Variants in TENM2 observed in about 807,000 individuals in gnomAD.
TENM2 encodes the protein teneurin-2.
TENM2 carries 52 observed loss-of-function variants against 245.2 expected under a neutral mutation model. The observed-to-expected ratio is 0.21, with a 90% CI of 0.17 to 0.27. The LOEUF is 0.27. TENM2 is among the 10% of genes least tolerant of loss of function. The pLI, the probability that TENM2 is intolerant of heterozygous loss-of-function variation, is 1.00. For synonymous variants in TENM2, 1,363 were observed against 1,438.9 expected, an observed-to-expected ratio of 0.95 and a Z score of 1.19; for missense variants, 3,046 against 3,666.8, an observed-to-expected ratio of 0.83 and a Z score of 4.37.
chr5:167,561,581 G>A (rs905774233), intron 2 of TENM2, among the ~76,000 whole-genome samples: 4 of 152,160 alleles, frequency 2.6e-5, no homozygotes, highest in African/African-American at 4.8e-5. Context: ...AAACGTCTAT[G>A]TTGTTTTTCC....
chr5:168,124,899 A>C, exon 11 of TENM2: 1 of 1,613,162 alleles, frequency 6.2e-7, no homozygotes. Flanking sequence ...GTGTGAATGG[A>C]GAATGCCTGT....
In TENM2 at chr5:167,848,642, A is replaced by G. The variant is rs79929796; in HGVS notation, c.503-27344A>G. ...AATGATTTCTCGGACAGTCATTGCTAAAAAGCTACTGCTCTAAGCACTTTT... is the reference window on the plus strand; with the variant it reads ...AATGATTTCTCGGACAGTCATTGCTGAAAAGCTACTGCTCTAAGCACTTTT... On this transcript the variant is annotated intron_variant, in intron 2 of 28. Coordinates refer to ENST00000518659, the Ensembl canonical transcript of TENM2. 8.0e-3 allele frequency among the ~76,000 whole-genome samples: 1,213 copies of G among 152,318 alleles called. 16 individuals are homozygous for G. Among genetic ancestry groups the G allele is most frequent in the African/African-American group, 0.027 (1,121 of 41,564 alleles).
chr5:167,915,760 CT>C (rs1776890409), intron 3 of TENM2, among the ~76,000 whole-genome samples: 1 of 152,154 alleles, frequency 6.6e-6, no homozygotes, highest in African/African-American at 2.4e-5. Context: ...ATCTGTATTT[CT>C]TTTTCCCTAG....
At chr5:167,063,385 A>G in the TENM2 span, among the ~76,000 whole-genome samples, 1 of 152,218 alleles carries the variant, frequency 6.6e-6, no homozygotes, top group Admixed American at 6.5e-5. Context: ...TGGTTTCAAA[A>G]GCATTAACGA....
chr5:167,704,167 G>A (rs1303466931), intron 2 of TENM2, among the ~76,000 whole-genome samples: 5 of 152,084 alleles, frequency 3.3e-5, no homozygotes, highest in African/African-American at 7.2e-5. Context: ...TTCCACCTTG[G>A]TATGGGATAT....
chr5:167,132,325 C>G, the TENM2 span, among the ~76,000 whole-genome samples: 1 of 152,142 alleles, frequency 6.6e-6, no homozygotes, highest in Non-Finnish European at 1.5e-5. Context: ...CTATTCTGAC[C>G]TCCATCACCA....
At chr5:167,330,305 T>C (rs909803456) in intron 1 of TENM2, among the ~76,000 whole-genome samples, 12 of 152,168 alleles carry the variant, frequency 7.9e-5, no homozygotes, top group Non-Finnish European at 1.5e-4. Context: ...AATATTCCTG[T>C]TTTACAGTTG....
intron 9 of TENM2, among the ~76,000 whole-genome samples, chr5:168,099,150 T>C (rs1793605451): frequency 6.6e-6 from 1 of 152,072 alleles, no homozygotes; most frequent in African/African-American, 2.4e-5. Flanking sequence ...CCTCAAGTCA[T>C]CCGCCCACCT....
At chr5:168,132,607 A>G (rs1479190697) in intron 12 of TENM2, among the ~76,000 whole-genome samples, 1 of 152,208 alleles carries the variant, frequency 6.6e-6, no homozygotes, top group South Asian at 2.1e-4. Context: ...GCTTGATATA[A>G]GGTATTCCTT....
chr5:167,837,249 G>T (rs1769088006), intron 2 of TENM2, among the ~76,000 whole-genome samples: 2 of 151,938 alleles, frequency 1.3e-5, no homozygotes, highest in African/African-American at 4.8e-5. Flanking sequence ...TAAATTTCTT[G>T]GTTTCTACCA....
chr5:168,045,899 A>G (rs141968259), intron 5 of TENM2, among the ~76,000 whole-genome samples: 216 of 152,314 alleles, frequency 1.4e-3, no homozygotes, highest in African/African-American at 4.9e-3. Context: ...AGTGACCTAC[A>G]TATAACGGAC....
chr5:168,222,442 A>AACTGGGG (rs1581675825), intron 23 of TENM2, among the ~76,000 whole-genome samples: 3 of 152,364 alleles, frequency 2.0e-5, no homozygotes, highest in Middle Eastern at 3.4e-3. Flanking sequence ...ATGTCAGATC[A>AACTGGGG]AAGGAAAAGA....
chr5:167,887,757 G>T (rs1424276809), intron 3 of TENM2, among the ~76,000 whole-genome samples: 5 of 152,184 alleles, frequency 3.3e-5, no homozygotes, highest in African/African-American at 4.8e-5. Flanking sequence ...TTCATTTGCT[G>T]GAGCTGCCCT....
At chr5:167,161,361 T>A in the TENM2 span, among the ~76,000 whole-genome samples, 1 of 152,204 alleles carries the variant, frequency 6.6e-6, no homozygotes, top group African/African-American at 2.4e-5. Flanking sequence ...GCAAATTAGG[T>A]CTAAATATCC....
At chr5:167,564,273 G>A (rs1773765002) in intron 2 of TENM2, among the ~76,000 whole-genome samples, 1 of 152,190 alleles carries the variant, frequency 6.6e-6, no homozygotes, top group East Asian at 1.9e-4. Context: ...AACAGAGTGT[G>A]AAAGTAATCC....
chr5:167,007,019 T>C, the TENM2 span, among the ~76,000 whole-genome samples: 1 of 152,184 alleles, frequency 6.6e-6, no homozygotes, highest in South Asian at 2.1e-4. The surrounding 1 kb of genome is among the most constrained non-coding windows in gnomAD (Gnocchi z 4.2). Flanking sequence ...TTTAAGTCAA[T>C]AAAATTTTCA....
the TENM2 span, among the ~76,000 whole-genome samples, chr5:167,134,177 A>C: frequency 6.6e-6 from 1 of 152,254 alleles, no homozygotes; most frequent in African/African-American, 2.4e-5. Flanking sequence ...AAAAGTCAAA[A>C]AAAGAAACAG....
the TENM2 span, among the ~76,000 whole-genome samples, chr5:167,277,816 GCCATGT>G: frequency 0.089 from 13,455 of 151,910 alleles, 763 homozygotes; most frequent in East Asian, 0.18. Context: ...ATTTAGAATT[GCCATGT>G]CCATGTCCTC....
intron 2 of TENM2, among the ~76,000 whole-genome samples, chr5:167,773,487 A>G (rs977665234): frequency 6.6e-6 from 1 of 152,160 alleles, no homozygotes; most frequent in Non-Finnish European, 1.5e-5. Flanking sequence ...CATCAACTTC[A>G]TAGATATTTT....
Sources: allele counts gnomAD v4.1 joint callset (sites outside exome capture counted in the v4.1 genomes callset), GRCh38; gene constraint gnomAD v4.1.1; non-coding constraint Gnocchi (gnomAD v3.1); transcripts MANE v1.5; gene names NCBI Gene and HGNC (gene_info 2026-07-23, HGNC 2026-07-21).